The following PLXDC2 variants were observed in gnomAD, a reference collection of about 807,000 sequenced individuals.
PLXDC2 encodes the protein plexin domain containing 2.
Under a neutral mutation model 68.9 loss-of-function variants are expected in PLXDC2, and 40 were observed. That is an observed-to-expected ratio of 0.58 (90% confidence interval 0.45 to 0.76). The LOEUF is 0.76. Among genes scored for constraint, PLXDC2 ranks in the 30% least tolerant of loss-of-function variants. The pLI is 0.00. For missense variants in PLXDC2, 644 were observed against 661.9 expected, an observed-to-expected ratio of 0.97 and a Z score of 0.30; for synonymous variants, 243 against 234.2, an observed-to-expected ratio of 1.04 and a Z score of -0.34.
rs117977311 is a variant in PLXDC2, at chr10:20,230,548, T to C, written c.1312+11446T>C. Among the ~76,000 whole-genome samples the C allele has an allele frequency of 2.5e-3, 374 of 151,810 alleles. 13 individuals are homozygous for C. The East Asian group carries it at 0.035, about 14-fold the overall frequency. On this transcript the variant is annotated intron_variant, in intron 12 of 13. Coordinates refer to ENST00000377252, the MANE Select transcript of PLXDC2 (RefSeq NM_032812.9). ...TTAGCCGAGCATGGTGGCGTGCACTTGTAGTCCCAGCTACATGGGAGGCTG... is the reference window on the plus strand; with the variant it reads ...TTAGCCGAGCATGGTGGCGTGCACTCGTAGTCCCAGCTACATGGGAGGCTG...
chr10:20,022,953 T>A (rs1835337261), intron 2 of PLXDC2, among the ~76,000 whole-genome samples: 1 of 151,822 alleles, frequency 6.6e-6, no homozygotes, highest in Non-Finnish European at 1.5e-5. Flanking sequence ...TTAAATATGT[T>A]CTACTCTACC....
At chr10:20,274,415 C>G (rs1238905632) in intron 13 of PLXDC2, among the ~76,000 whole-genome samples, 1 of 152,144 alleles carries the variant, frequency 6.6e-6, no homozygotes, top group Non-Finnish European at 1.5e-5. Context: ...CAGTTTTCAT[C>G]TTGCACATGA....
At chr10:20,067,013 C>T (rs571877072) in intron 3 of PLXDC2, among the ~76,000 whole-genome samples, 2 of 152,014 alleles carry the variant, frequency 1.3e-5, no homozygotes, top group South Asian at 2.1e-4. Flanking sequence ...AAAGTAATTG[C>T]GGTTTTTGCC....
chr10:19,920,138 A>G (rs1833434311), intron 1 of PLXDC2, among the ~76,000 whole-genome samples: 1 of 152,150 alleles, frequency 6.6e-6, no homozygotes, highest in South Asian at 2.1e-4. Flanking sequence ...CCGTGAGGCC[A>G]AGCTCCTGTG....
chr10:19,998,154 A>G (rs189611090), intron 1 of PLXDC2, among the ~76,000 whole-genome samples: 17 of 152,328 alleles, frequency 1.1e-4, no homozygotes, highest in African/African-American at 4.1e-4. Context: ...CTGCAGCTGG[A>G]AAGGGAAAAA....
chr10:20,013,820 G>A (rs1308896142), intron 2 of PLXDC2, among the ~76,000 whole-genome samples: 1 of 152,078 alleles, frequency 6.6e-6, no homozygotes, highest in Non-Finnish European at 1.5e-5. Flanking sequence ...ATCTTCCTCT[G>A]TCCACTGAGT....
At position 20,029,139 on chromosome 10, in the gene PLXDC2, G is replaced by A. The variant is rs554678788; in HGVS notation, c.325-17730G>A. Among the ~76,000 whole-genome samples the A allele has an allele frequency of 5.3e-5, 8 of 152,172 alleles. 1 individual carries two copies. Among genetic ancestry groups the A allele is most frequent in the African/African-American group, 1.9e-4 (8 of 41,522 alleles). ...CCAGGTTTAATGCTCTTACTTCTAT[G>A]AACCTTATTTTTCTTACCTTTAAAA... On this transcript the variant is annotated intron_variant, in intron 2 of 13. Coordinates refer to ENST00000377252, the MANE Select transcript of PLXDC2 (RefSeq NM_032812.9).
intron 6 of PLXDC2, among the ~76,000 whole-genome samples, chr10:20,153,094 T>G (rs1834172412): frequency 6.6e-6 from 1 of 152,182 alleles, no homozygotes; most frequent in African/African-American, 2.4e-5. Context: ...CCTGAATGCA[T>G]GTATTTTTCT....
intron 4 of PLXDC2, among the ~76,000 whole-genome samples, chr10:20,104,970 G>T (rs1271223867): frequency 2.1e-5 from 3 of 143,224 alleles, no homozygotes; most frequent in Non-Finnish European, 3.0e-5. Context: ...AGAATCACTT[G>T]AACCAGGGGG....
At chr10:19,830,485 A>G (rs1324205578) in intron 1 of PLXDC2, among the ~76,000 whole-genome samples, 1 of 152,090 alleles carries the variant, frequency 6.6e-6, no homozygotes, top group Non-Finnish European at 1.5e-5. Flanking sequence ...CCTCTCTTCC[A>G]TACTCATGGT....
intron 2 of PLXDC2, among the ~76,000 whole-genome samples, chr10:20,020,360 T>C (rs940315917): frequency 6.6e-6 from 1 of 151,910 alleles, no homozygotes; most frequent in Non-Finnish European, 1.5e-5. Flanking sequence ...AATACCAGAC[T>C]CCTAGTACAT....
chr10:20,101,862 A>G (rs759423040), intron 4 of PLXDC2, among the ~76,000 whole-genome samples: 1 of 151,714 alleles, frequency 6.6e-6, no homozygotes, highest in Non-Finnish European at 1.5e-5. Flanking sequence ...CAGTGGCATA[A>G]TCTCGGCTCA....
chr10:20,031,390 G>A (rs1235594523), intron 2 of PLXDC2, among the ~76,000 whole-genome samples: 1 of 151,860 alleles, frequency 6.6e-6, no homozygotes, highest in Non-Finnish European at 1.5e-5. Context: ...TCACAGTGCT[G>A]GATTCTTCAT....
intron 4 of PLXDC2, among the ~76,000 whole-genome samples, chr10:20,109,331 G>A (rs1394966803): frequency 6.6e-6 from 1 of 152,148 alleles, no homozygotes; most frequent in Non-Finnish European, 1.5e-5. Flanking sequence ...TTATAAAGCA[G>A]CATCTTGCTG....
chr10:19,852,006 A>G (rs531051282), intron 1 of PLXDC2, among the ~76,000 whole-genome samples: 3 of 152,336 alleles, frequency 2.0e-5, no homozygotes, highest in African/African-American at 7.2e-5. Flanking sequence ...AAGGTAATCT[A>G]GGATCTTGTT....
At chr10:20,213,276 G>T (rs1371828585) in intron 10 of PLXDC2, among the ~76,000 whole-genome samples, 1 of 151,496 alleles carries the variant, frequency 6.6e-6, no homozygotes, top group Admixed American at 6.6e-5. Context: ...TTTTTTTCTT[G>T]ATGGATAGCC....
chr10:19,826,614 C>T (rs762020365), intron 1 of PLXDC2, among the ~76,000 whole-genome samples: 3 of 152,148 alleles, frequency 2.0e-5, no homozygotes, highest in Non-Finnish European at 4.4e-5. Flanking sequence ...AAAGATATTG[C>T]TCAGTGCTTT....
intron 1 of PLXDC2, among the ~76,000 whole-genome samples, chr10:19,887,151 C>T (rs1026778518): frequency 2.0e-5 from 3 of 152,068 alleles, no homozygotes; most frequent in African/African-American, 4.8e-5. Context: ...TTGTAGTTGC[C>T]AATAACATTT....
chr10:19,925,189 G>A (rs751735298), intron 1 of PLXDC2, among the ~76,000 whole-genome samples: 12 of 152,260 alleles, frequency 7.9e-5, no homozygotes, highest in African/African-American at 1.7e-4. Flanking sequence ...AAAGTCCGTC[G>A]AACTTATTGC....
Sources: gnomAD v4.1 joint callset for allele counts (sites outside exome capture counted in the v4.1 genomes callset) on GRCh38, gnomAD v4.1.1 for gene constraint, MANE v1.5 for transcripts, NCBI Gene and HGNC (gene_info 2026-07-23, HGNC 2026-07-21) for gene names.